STK38L: variants seen among roughly 807,000 people sequenced by gnomAD.
STK38L encodes serine/threonine kinase 38 like, also known as serine/threonine-protein kinase 38-like.
In STK38L, 28 loss-of-function variants were observed where a neutral mutation model predicts 59.7. The observed-to-expected ratio is 0.47, with a 90% CI of 0.35 to 0.64. The LOEUF is 0.64. STK38L is among the 30% of genes least tolerant of loss of function. STK38L has a pLI of 0.01. For synonymous variants in STK38L, 162 were observed against 176.8 expected (o/e 0.92, Z 0.66); for missense variants, 314 against 555.8 (o/e 0.56, Z 4.37).
chr12:27,264,048 C>T (rs1167002085), intron 1 of STK38L, among the ~76,000 whole-genome samples: 2 of 152,064 alleles, frequency 1.3e-5, no homozygotes, highest in African/African-American at 4.8e-5. Context: ...TATGTCTTCT[C>T]GTTGATGAGG....
intron 1 of STK38L, among the ~76,000 whole-genome samples, chr12:27,245,439 G>A (rs896543893): frequency 1.3e-5 from 2 of 152,088 alleles, no homozygotes; most frequent in Admixed American, 1.3e-4. Flanking sequence ...TGGCGCTGGG[G>A]CTTACGTTTG....
At chr12:27,271,303 A>G (rs1943417628) in intron 1 of STK38L, among the ~76,000 whole-genome samples, 1 of 152,214 alleles carries the variant, frequency 6.6e-6, no homozygotes, top group Admixed American at 6.5e-5. Context: ...TGTTTTTTAA[A>G]TGTGATGATG....
chr12:27,310,074 T>G (rs900499103), intron 5 of STK38L, among the ~76,000 whole-genome samples: 12 of 152,128 alleles, frequency 7.9e-5, no homozygotes, highest in Admixed American at 7.2e-4. Context: ...GAAGGCTCAT[T>G]GAGATTTGCA....
chr12:27,304,932 CT>C (rs1944271672), intron 3 of STK38L, among the ~76,000 whole-genome samples: 1 of 151,878 alleles, frequency 6.6e-6, no homozygotes, highest in South Asian at 2.1e-4. Flanking sequence ...AATATTTTTC[CT>C]TTTTAAAAAA....
chr12:27,246,200 G>A (rs1273115150), intron 1 of STK38L, among the ~76,000 whole-genome samples: 1 of 152,204 alleles, frequency 6.6e-6, no homozygotes, highest in African/African-American at 2.4e-5. Flanking sequence ...AATGGACTCA[G>A]TTCAGCTGTT....
intron 1 of STK38L, among the ~76,000 whole-genome samples, chr12:27,275,589 T>C (rs1269965253): frequency 1.3e-5 from 2 of 151,996 alleles, no homozygotes; most frequent in African/African-American, 2.4e-5. Context: ...TCCGCTCACC[T>C]CGGCCTCCCA....
chr12:27,317,514 A>G (rs111552509), intron 10 of STK38L, 61 bp downstream of exon 10: 2 of 1,293,398 alleles, frequency 1.5e-6, no homozygotes, highest in East Asian at 4.6e-5. Flanking sequence ...CCATTGTTTG[A>G]ACATATTACA....
chr12:27,250,207 A>G (rs1003422468), intron 1 of STK38L, among the ~76,000 whole-genome samples: 25 of 152,152 alleles, frequency 1.6e-4, no homozygotes, highest in African/African-American at 6.0e-4. Context: ...TCCCATTGCT[A>G]TTCTGCTTTT....
At chr12:27,282,672 G>A (rs1414664499) in intron 1 of STK38L, among the ~76,000 whole-genome samples, 3 of 152,060 alleles carry the variant, frequency 2.0e-5, no homozygotes, top group South Asian at 4.1e-4. Flanking sequence ...AATTTTATAT[G>A]CAAATGTTCT....
chr12:27,299,177 CTG>C (rs775135773), intron 2 of STK38L, among the ~76,000 whole-genome samples: 1 of 152,136 alleles, frequency 6.6e-6, no homozygotes, highest in Admixed American at 6.6e-5. Context: ...CCTGGGCAAA[CTG>C]AGAGTGGTAC....
At chr12:27,317,840 A>G in intron 10 of STK38L, 56 bp from the exon 11 acceptor site, 4 of 1,605,650 alleles carry the variant, frequency 2.5e-6, no homozygotes, top group Non-Finnish European at 3.4e-6. Flanking sequence ...TTTGGTGGGT[A>G]TAAACTTCAC....
chr12:27,247,874 G>T (rs1942889691), intron 1 of STK38L, among the ~76,000 whole-genome samples: 1 of 148,704 alleles, frequency 6.7e-6, no homozygotes, highest in Admixed American at 6.8e-5. Context: ...GAGTGCAGTA[G>T]TGCAATCATG....
At chr12:27,264,819 A>T (rs541230005) in intron 1 of STK38L, among the ~76,000 whole-genome samples, 47 of 152,332 alleles carry the variant, frequency 3.1e-4, no homozygotes, top group South Asian at 1.9e-3. Flanking sequence ...CCCCATGCAT[A>T]TCAAAGGATG....
intron 5 of STK38L, 130 bp from the exon 6 acceptor site, chr12:27,312,419 T>C: frequency 1.1e-6 from 1 of 943,402 alleles, no homozygotes; most frequent in South Asian, 1.8e-5. Flanking sequence ...CGAACATTCA[T>C]ACATGTATCA....
chr12:27,321,552 C>G (rs1195623054), intron 12 of STK38L, among the ~76,000 whole-genome samples: 1 of 152,060 alleles, frequency 6.6e-6, no homozygotes, highest in Non-Finnish European at 1.5e-5. Context: ...ATACTTTATA[C>G]AATTATACAA....
chr12:27,308,507 A>T lies in STK38L; in HGVS notation c.309+46A>T. 1 of 1,460,124 alleles carries T rather than the reference A, an allele frequency of 6.8e-7. No homozygotes were observed. The highest frequency in any genetic ancestry group is 9.1e-7 in the Non-Finnish European group (1 of 1,098,786). The allele number at this position is 1,460,124 out of a possible 1,614,324, so 90.4% of individuals were successfully genotyped here. On this transcript the variant is annotated intron_variant, in intron 4 of 13. Coordinates refer to ENST00000389032, the MANE Select transcript of STK38L (RefSeq NM_015000.4). The surrounding 1 kb of genome is among the most constrained non-coding windows in gnomAD (Gnocchi z 4.5). ...CACTACTGCTGCAAATATATATCTT[A>T]AGATAATTTAAAATATGTGTTAAAA...
chr12:27,313,882 C>T (rs1276701728), intron 6 of STK38L, among the ~76,000 whole-genome samples: 6 of 152,004 alleles, frequency 3.9e-5, no homozygotes, highest in Non-Finnish European at 8.8e-5. Context: ...ATTTCGTTTC[C>T]AGGTGCACTT....
At chr12:27,291,487 C>G (rs902448311) in intron 1 of STK38L, among the ~76,000 whole-genome samples, 1 of 152,188 alleles carries the variant, frequency 6.6e-6, no homozygotes, top group African/African-American at 2.4e-5. Flanking sequence ...CATGAACTCC[C>G]TAAGGGCCGG....
In STK38L at chr12:27,283,227, T is replaced by C. The variant is rs529594575; in HGVS notation, c.-11-14483T>C. 3.3e-5 allele frequency among the ~76,000 whole-genome samples: 5 copies of C among 152,316 alleles called. No individual in the cohort carries two copies. The East Asian group carries it at 7.7e-4, about 23-fold the overall frequency. On this transcript the variant is annotated intron_variant, in intron 1 of 13. Coordinates refer to ENST00000389032, the MANE Select transcript of STK38L (RefSeq NM_015000.4). ...TGTATTAAAACTGTATTAAAACTTATTTGTATTAATAGCCCACTTGTATTG... is the reference window on the plus strand; with the variant it reads ...TGTATTAAAACTGTATTAAAACTTACTTGTATTAATAGCCCACTTGTATTG...
Sources: allele counts gnomAD v4.1 joint callset (sites outside exome capture counted in the v4.1 genomes callset), GRCh38; gene constraint gnomAD v4.1.1; non-coding constraint Gnocchi (gnomAD v3.1); transcripts MANE v1.5; gene names NCBI Gene and HGNC (gene_info 2026-07-23, HGNC 2026-07-21).